GRIP1: variants seen among roughly 807,000 people sequenced by gnomAD.
GRIP1 encodes glutamate receptor-interacting protein 1.
A neutral mutation model predicts 129.9 loss-of-function variants in GRIP1; 45 were observed. That is an observed-to-expected ratio of 0.35 (90% confidence interval 0.27 to 0.44). GRIP1 has a LOEUF of 0.44. GRIP1 is among the 20% of genes least tolerant of loss of function. The pLI, the probability that GRIP1 is intolerant of heterozygous loss-of-function variation, is 1.00. For missense variants in GRIP1, 1,196 were observed against 1,396.8 expected, an observed-to-expected ratio of 0.86 and a Z score of 2.29; for synonymous variants, 530 against 520.8, an observed-to-expected ratio of 1.02 and a Z score of -0.24.
At chr12:66,350,967 G>A (rs754548632) in intron 24 of GRIP1, among the ~76,000 whole-genome samples, 24 of 152,170 alleles carry the variant, frequency 1.6e-4, no homozygotes, top group Non-Finnish European at 3.4e-4. Flanking sequence ...AGCCTCAACT[G>A]CGATGAGAGT....
chr12:66,594,408 C>T (rs552771130), intron 2 of GRIP1, among the ~76,000 whole-genome samples: 53 of 152,268 alleles, frequency 3.5e-4, no homozygotes, highest in Admixed American at 1.6e-3. Context: ...CAGCCCAGGA[C>T]GGCTTTGAAT....
In GRIP1 at chr12:66,413,362, A is replaced by G. The variant is rs2057470252; in HGVS notation, c.1839-6934T>C. Among the ~76,000 whole-genome samples the G allele has an allele frequency of 2.0e-5, 3 of 152,164 alleles. No homozygotes were observed. The South Asian group carries it at 6.2e-4, about 31-fold the overall frequency. ...CCTGCCCCTGAGTGAACCTTGGGTG[A>G]ATAATAAAATTAAGGCAGAAATCAA... On this transcript the variant is annotated intron_variant, in intron 15 of 24. Transcript: ENST00000359742.
In GRIP1 at chr12:66,524,823, T is replaced by C. The variant is rs567382826; in HGVS notation, c.502+5008A>G. Among the ~76,000 whole-genome samples, 259 of 151,866 alleles carry C rather than the reference T, an allele frequency of 1.7e-3. 1 individual carries two copies. Among genetic ancestry groups the C allele is most frequent in the African/African-American group, 6.1e-3 (252 of 41,394 alleles). ...AGAATAGAGAGAAGAATCAAATAGA[T>C]GCAATAAAAAATGATAAAGGGGATA... On this transcript the variant is annotated intron_variant, in intron 5 of 24. Transcript: ENST00000359742.
Position 67,065,863 on chromosome 12 carries a change from CTTAAT to C in GRIP1, c.58+3182_58+3186del, listed in dbSNP as rs200994625. On this transcript the variant is annotated intron_variant, in intron 1 of 1. Transcript: ENST00000643019. ...CAGATGTAAAACAATGAATACATTA[CTTAAT>C]TTAATTTGATTGGAAGAGATATCAA... Among the ~76,000 whole-genome samples the C allele has an allele frequency of 9.6e-3, 1,401 of 146,000 alleles. 15 individuals are homozygous for C. Among genetic ancestry groups the C allele is most frequent in the Middle Eastern group, 0.034 (10 of 292 alleles).
intron 7 of GRIP1, among the ~76,000 whole-genome samples, chr12:66,494,023 A>C (rs1485836975): frequency 1.3e-5 from 2 of 152,192 alleles, no homozygotes; most frequent in African/African-American, 4.8e-5. Flanking sequence ...TTCCAGGAAA[A>C]GTATGCCTCA....
chr12:66,652,359 C>T (rs1475237976), intron 1 of GRIP1, among the ~76,000 whole-genome samples: 1 of 152,134 alleles, frequency 6.6e-6, no homozygotes, highest in Non-Finnish European at 1.5e-5. Context: ...TCACCTGCTG[C>T]CATGTAAGAC....
intron 1 of GRIP1, among the ~76,000 whole-genome samples, chr12:66,963,305 G>A (rs1035716976): frequency 5.9e-5 from 9 of 151,964 alleles, no homozygotes; most frequent in South Asian, 2.1e-4. Context: ...AGAGTGAGAC[G>A]CTGTCTCAAA....
At chr12:66,751,083 A>G (rs1235800122) in intron 1 of GRIP1, among the ~76,000 whole-genome samples, 1 of 152,196 alleles carries the variant, frequency 6.6e-6, no homozygotes, top group East Asian at 1.9e-4. Context: ...TTAAAATAAA[A>G]GTAGTGCCCA....
At chr12:66,467,724 C>G (rs140368533) in intron 7 of GRIP1, among the ~76,000 whole-genome samples, 1 of 152,210 alleles carries the variant, frequency 6.6e-6, no homozygotes, top group Non-Finnish European at 1.5e-5. Context: ...TCCTTAAGCA[C>G]GCTGCATAGC....
chr12:66,871,948 G>C (rs1214544980), intron 1 of GRIP1, among the ~76,000 whole-genome samples: 1 of 152,044 alleles, frequency 6.6e-6, no homozygotes, highest in African/African-American at 2.4e-5. Context: ...CATCTTCATT[G>C]TTGTGGCCAG....
chr12:66,482,100 G>A (rs1413622724), intron 7 of GRIP1, among the ~76,000 whole-genome samples: 2 of 151,978 alleles, frequency 1.3e-5, no homozygotes, highest in East Asian at 3.9e-4. Flanking sequence ...AGTATAATAA[G>A]AATAATAAAT....
chr12:66,506,055 G>A lies in GRIP1; in HGVS notation c.724+9564C>T, dbSNP rs559251376. ...AAAAGACTGACAATACCAAGTGCTG[G>A]TGAGGATGTGAAGGATGTGAAACTG... On this transcript the variant is annotated intron_variant, in intron 7 of 24. Transcript: ENST00000359742. Among the ~76,000 whole-genome samples the A allele has an allele frequency of 3.9e-5, 6 of 152,292 alleles. No homozygotes were observed. The South Asian group carries it at 1.2e-3, about 32-fold the overall frequency.
At chr12:66,993,810 C>G in intron 1 of GRIP1, among the ~76,000 whole-genome samples, 1 of 131,116 alleles carries the variant, frequency 7.6e-6, no homozygotes, top group South Asian at 2.4e-4. Context: ...AAAAAAAAAT[C>G]AAGACTGAAC....
At chr12:66,737,630 T>C (rs2136536683) in intron 1 of GRIP1, among the ~76,000 whole-genome samples, 1 of 152,306 alleles carries the variant, frequency 6.6e-6, no homozygotes, top group South Asian at 2.1e-4. Flanking sequence ...AATTTCTATC[T>C]TCCTCTTCCT....
At chr12:66,388,250 G>A (rs2056437135) in intron 19 of GRIP1, among the ~76,000 whole-genome samples, 2 of 151,746 alleles carry the variant, frequency 1.3e-5, no homozygotes, top group African/African-American at 2.4e-5. Flanking sequence ...TATAGAAACT[G>A]AGAAAATAAA....
intron 1 of GRIP1, among the ~76,000 whole-genome samples, chr12:66,764,092 G>C (rs1179349892): frequency 6.6e-6 from 1 of 152,180 alleles, no homozygotes; most frequent in Non-Finnish European, 1.5e-5. Flanking sequence ...CATGCAGAGG[G>C]GCCATTTGGC....
rs71436016 is a variant in GRIP1 at position 66,602,848 on chromosome 12, C to CTTTTTT, written c.56-5927_56-5922dup. Among the ~76,000 whole-genome samples, 82 of 71,664 alleles carry CTTTTTT rather than the reference C, an allele frequency of 1.1e-3. 3 individuals are homozygous for CTTTTTT. Among genetic ancestry groups the CTTTTTT allele is most frequent in the Non-Finnish European group, 1.5e-3 (55 of 35,828 alleles). The allele number at this position is 71,664 out of a possible 152,430, so 47.0% of individuals were successfully genotyped here. ...ATTCCTAAAGGGACCAGATCTTTTG[C>CTTTTTT]TTTTTTTTTTTTTTTTTTTTTTTTT... On this transcript the variant is annotated intron_variant, in intron 1 of 24. Coordinates refer to ENST00000359742, the MANE Select transcript of GRIP1 (RefSeq NM_001366722.1).
chr12:66,351,188 C>T (rs779927997), intron 24 of GRIP1, among the ~76,000 whole-genome samples: 2 of 152,162 alleles, frequency 1.3e-5, no homozygotes, highest in East Asian at 1.9e-4. Flanking sequence ...CTTGCTTCAG[C>T]GAACACATCC....
chr12:66,590,628 A>G (rs1483325746), intron 2 of GRIP1, among the ~76,000 whole-genome samples: 2 of 150,986 alleles, frequency 1.3e-5, no homozygotes, highest in Non-Finnish European at 2.9e-5. Context: ...AATCACTCTT[A>G]TCTTGTCAAT....
Sources: gnomAD v4.1 joint callset for allele counts (sites outside exome capture counted in the v4.1 genomes callset) on GRCh38, gnomAD v4.1.1 for gene constraint, MANE v1.5 for transcripts, NCBI Gene and HGNC (gene_info 2026-07-23, HGNC 2026-07-21) for gene names.